AGBL1: variants seen among roughly 807,000 people sequenced by gnomAD.
AGBL1 encodes AGBL carboxypeptidase 1.
AGBL1 carries 130 observed loss-of-function variants against 118.9 expected under a neutral mutation model. The ratio of observed to expected loss-of-function variants is 1.09; its 90% CI spans 0.95 to 1.26. The LOEUF (loss-of-function observed/expected upper bound fraction) is 1.26. Ranked by LOEUF, AGBL1 falls within the 50% of genes most tolerant of loss-of-function variation. AGBL1 has a pLI of 0.00. For synonymous variants in AGBL1, 555 were observed against 478.9 expected (o/e 1.16, Z -2.08); for missense variants, 1,584 against 1,298.1 (o/e 1.22, Z -3.38).
chr15:86,183,026 T>C (rs986986074), intron 5 of AGBL1, among the ~76,000 whole-genome samples: 2 of 152,214 alleles, frequency 1.3e-5, no homozygotes, highest in Non-Finnish European at 2.9e-5. Flanking sequence ...AGTTCTCATA[T>C]GCAGGTTTAC....
At chr15:86,251,571 A>C (rs1291573394) in intron 7 of AGBL1, among the ~76,000 whole-genome samples, 1 of 152,056 alleles carries the variant, frequency 6.6e-6, no homozygotes, top group African/African-American at 2.4e-5. Flanking sequence ...TCCTTCCCAC[A>C]CCTTTGCCAT....
At chr15:86,230,128 T>A (rs2078431846) in intron 6 of AGBL1, among the ~76,000 whole-genome samples, 1 of 152,206 alleles carries the variant, frequency 6.6e-6, no homozygotes, top group Non-Finnish European at 1.5e-5. Context: ...TCTGTCTGGC[T>A]GGTTCACAGG....
chr15:86,827,054 C>A (rs536536017), intron 22 of AGBL1, among the ~76,000 whole-genome samples: 1 of 151,256 alleles, frequency 6.6e-6, no homozygotes, highest in South Asian at 2.1e-4. Context: ...ATTGCAAGTA[C>A]ATGTGGTAAA....
intron 22 of AGBL1, among the ~76,000 whole-genome samples, chr15:86,755,633 C>T (rs2077926820): frequency 6.6e-6 from 1 of 152,126 alleles, no homozygotes; most frequent in Non-Finnish European, 1.5e-5. Flanking sequence ...ACTTGCCGCT[C>T]TATCTTACTT....
At chr15:87,021,758 G>C (rs1193726958) in intron 24 of AGBL1, among the ~76,000 whole-genome samples, 1 of 152,236 alleles carries the variant, frequency 6.6e-6, no homozygotes, top group South Asian at 2.1e-4. Context: ...ATGGGAGGCA[G>C]GACTAGACTG....
rs149012787 is a variant in AGBL1 at position 86,738,413 on chromosome 15, C to G, written c.3158+63977C>G. 4.8e-5 allele frequency among the ~76,000 whole-genome samples: 7 copies of G among 144,402 alleles called. No individual in the cohort carries two copies. The East Asian group carries it at 1.5e-3, about 30-fold the overall frequency. The allele number at this position is 144,402 out of a possible 152,430, so 94.7% of individuals were successfully genotyped here. A position where few individuals can be genotyped will look rare whatever the true frequency, so the allele number is the denominator to read the frequency against. ...GCAAGAGAAAAAAATAAAAGGCATCCAAATTGGAAAAAAAAAGAAGTCAAA... is the reference window on the plus strand; with the variant it reads ...GCAAGAGAAAAAAATAAAAGGCATCGAAATTGGAAAAAAAAAGAAGTCAAA... On this transcript the variant is annotated intron_variant, in intron 22 of 22. Coordinates refer to ENST00000614907, the MANE Select transcript of AGBL1 (RefSeq NM_001386094.1).
chr15:86,474,294 G>T lies in AGBL1; in HGVS notation c.2556-48516G>T, dbSNP rs556443738. Reference sequence around the variant, plus strand: ...GGGCAAGGCATTGCCTCATCCAGGAGGTACAAGGGGTCAAGGAATTCCCTT... The same window carrying T: ...GGGCAAGGCATTGCCTCATCCAGGATGTACAAGGGGTCAAGGAATTCCCTT... On this transcript the variant is annotated intron_variant, in intron 18 of 22. Coordinates refer to ENST00000614907, the MANE Select transcript of AGBL1 (RefSeq NM_001386094.1). Among the ~76,000 whole-genome samples, 3 of 152,324 alleles carry T rather than the reference G, an allele frequency of 2.0e-5. No homozygotes were observed. In the East Asian group the frequency reaches 5.8e-4, roughly 29 times the overall value.
At chr15:86,763,401 A>G (rs928184098) in intron 22 of AGBL1, among the ~76,000 whole-genome samples, 1 of 152,012 alleles carries the variant, frequency 6.6e-6, no homozygotes, top group African/African-American at 2.4e-5. Context: ...AATGTTGATA[A>G]TTTGTTCTCA....
chr15:86,651,702 A>G (rs1245252001), intron 21 of AGBL1, among the ~76,000 whole-genome samples: 3 of 152,118 alleles, frequency 2.0e-5, no homozygotes, highest in Admixed American at 6.5e-5. Flanking sequence ...TGACCCCTCC[A>G]TAGATTGCTA....
At chr15:86,496,016 T>A (rs562410110) in intron 18 of AGBL1, among the ~76,000 whole-genome samples, 13 of 152,052 alleles carry the variant, frequency 8.5e-5, no homozygotes, top group Middle Eastern at 3.4e-3. Flanking sequence ...GTCTTTTTTT[T>A]AAATTTTCAA....
In AGBL1 at chr15:86,298,246, A is replaced by ATATATATATAT. The variant is rs1555462936; in HGVS notation, c.2374+2838_2374+2839insTATATATATAT. On this transcript the variant is annotated intron_variant, in intron 17 of 22. Transcript: ENST00000614907. ...GTATACAGGGTACGTGTCTGTGTAT[A>ATATATATATAT]ATATATATATATATATATATATATA... Among the ~76,000 whole-genome samples, 355 of 69,782 alleles carry ATATATATATAT rather than the reference A, an allele frequency of 5.1e-3. 6 individuals carry two copies. The highest frequency in any genetic ancestry group is 0.022 in the African/African-American group (338 of 15,326). The allele number at this position is 69,782 out of a possible 152,430, so 45.8% of individuals were successfully genotyped here. A position where few individuals can be genotyped will look rare whatever the true frequency, so the allele number is the denominator to read the frequency against.
chr15:86,222,929 A>G (rs558621053), intron 5 of AGBL1, among the ~76,000 whole-genome samples: 2 of 152,306 alleles, frequency 1.3e-5, no homozygotes, highest in African/African-American at 4.8e-5. Context: ...TTTCATGTGC[A>G]TATAAATTAT....
chr15:86,404,980 C>T (rs1160748205), intron 18 of AGBL1, among the ~76,000 whole-genome samples: 1 of 151,946 alleles, frequency 6.6e-6, no homozygotes, highest in African/African-American at 2.4e-5. Context: ...TGCTCTTGAG[C>T]TTTAAATTGG....
At chr15:86,863,404 G>C (rs1241515041) in intron 22 of AGBL1, among the ~76,000 whole-genome samples, 5 of 152,158 alleles carry the variant, frequency 3.3e-5, no homozygotes, top group Admixed American at 2.6e-4. Flanking sequence ...AGCTGCAACT[G>C]TGACTCAGGC....
intron 22 of AGBL1, among the ~76,000 whole-genome samples, chr15:86,866,361 C>T (rs141541667): frequency 5.9e-5 from 9 of 152,254 alleles, no homozygotes; most frequent in Admixed American, 2.0e-4. Context: ...TACTTCATGT[C>T]GCTATGGCAT....
At chr15:87,014,604 T>G (rs2081591687) in intron 24 of AGBL1, among the ~76,000 whole-genome samples, 1 of 152,170 alleles carries the variant, frequency 6.6e-6, no homozygotes, top group Non-Finnish European at 1.5e-5. Flanking sequence ...GTGTTCAGAT[T>G]AACGGATATG....
chr15:86,508,903 A>G (rs1466711857), intron 18 of AGBL1, among the ~76,000 whole-genome samples: 1 of 152,200 alleles, frequency 6.6e-6, no homozygotes, highest in African/African-American at 2.4e-5. Context: ...CACTGAGTAC[A>G]TACGAAGCAT....
chr15:87,016,887 A>G (rs2081612448), intron 24 of AGBL1, among the ~76,000 whole-genome samples: 1 of 152,170 alleles, frequency 6.6e-6, no homozygotes, highest in South Asian at 2.1e-4. Context: ...TCTGATACAG[A>G]GAGCTGTGTG....
intron 23 of AGBL1, among the ~76,000 whole-genome samples, chr15:86,925,945 T>C (rs369517380): frequency 9.9e-5 from 15 of 152,028 alleles, no homozygotes; most frequent in Admixed American, 9.8e-4. Context: ...TTAGTTACGA[T>C]GGTCTCAATC....
Sources: gnomAD v4.1 joint callset for allele counts (sites outside exome capture counted in the v4.1 genomes callset) on GRCh38, gnomAD v4.1.1 for gene constraint, MANE v1.5 for transcripts, NCBI Gene and HGNC (gene_info 2026-07-23, HGNC 2026-07-21) for gene names.